The following EIF4G3 variants were observed in gnomAD, a reference collection of about 807,000 sequenced individuals.
The protein encoded by EIF4G3 is eukaryotic translation initiation factor 4 gamma 3.
EIF4G3 carries 34 observed loss-of-function variants against 186.4 expected under a neutral mutation model. That is an observed-to-expected ratio of 0.18 (90% confidence interval 0.14 to 0.24). EIF4G3 has a LOEUF of 0.24. EIF4G3 is among the 10% of genes least tolerant of loss of function. EIF4G3 has a pLI of 1.00. For synonymous variants in EIF4G3, 673 were observed against 679.5 expected, an observed-to-expected ratio of 0.99 and a Z score of 0.15; for missense variants, 1,536 against 1,948.5, an observed-to-expected ratio of 0.79 and a Z score of 3.99.
In EIF4G3 at chr1:20,982,337, A is replaced by C. The variant is rs545945107; in HGVS notation, c.198+51T>G. On this transcript the variant is annotated intron_variant, in intron 8 of 36. Transcript: ENST00000602326. ...CATTAGCAATCAATCTCAATGTAAT[A>C]ATAAGCAGACTGAGTTATAAAGAGG... 36 of 1,366,734 alleles carry C rather than the reference A, an allele frequency of 2.6e-5. No individual in the cohort carries two copies. In the East Asian group the frequency reaches 9.4e-4, roughly 36 times the overall value. The allele number at this position is 1,366,734 out of a possible 1,614,324, so 84.7% of individuals were successfully genotyped here. A position where few individuals can be genotyped will look rare whatever the true frequency, so the allele number is the denominator to read the frequency against.
rs764440819 is a variant in EIF4G3 at position 20,817,478 on chromosome 1, G to T, written c.4429C>A (p.Leu1477Met). Residue 1477 changes from leucine to methionine, a missense_variant, in exon 34 of 37, where the codon CTG becomes ATG. Leu to Met is a conservative substitution (Grantham distance 15). Transcript: ENST00000602326. ...CSSEALSKKE[L>M]SAEELYKRLE... is the part of the protein sequence containing the mutation. Reference sequence around the variant, plus strand: ...CGCTTATACAGCTCTTCGGCAGACAGTTCTTTCTTTGAAAGTGCTTCAGAG... The same window carrying T: ...CGCTTATACAGCTCTTCGGCAGACATTTCTTTCTTTGAAAGTGCTTCAGAG... 1 of 1,608,004 alleles carries T rather than the reference G, an allele frequency of 6.2e-7. No individual in the cohort carries two copies. The highest frequency in any genetic ancestry group is 2.2e-5 in the East Asian group (1 of 44,684).
At chr1:20,876,783 C>T (rs1237273304) in intron 20 of EIF4G3, among the ~76,000 whole-genome samples, 1 of 152,014 alleles carries the variant, frequency 6.6e-6, no homozygotes, top group Admixed American at 6.6e-5. Flanking sequence ...AGCACTTGAG[C>T]CTAGGAGTTT....
chr1:21,019,548 C>A (rs1440462398), intron 4 of EIF4G3, among the ~76,000 whole-genome samples: 1 of 152,138 alleles, frequency 6.6e-6, no homozygotes, highest in Admixed American at 6.6e-5. Context: ...AAATTTTTAT[C>A]TTTTATTATC....
intron 30 of EIF4G3, among the ~76,000 whole-genome samples, chr1:20,837,893 A>G (rs2067229613): frequency 6.6e-6 from 1 of 152,210 alleles, no homozygotes; most frequent in Admixed American, 6.5e-5. Context: ...TTAGAATAAA[A>G]TAGTACAACT....
At chr1:20,930,449 A>G (rs1432951787) in intron 14 of EIF4G3, among the ~76,000 whole-genome samples, 1 of 152,258 alleles carries the variant, frequency 6.6e-6, no homozygotes, top group African/African-American at 2.4e-5. Context: ...CTCAACAGGA[A>G]TAGATTCCAA....
At chr1:20,888,199 C>T (rs974057147) in intron 18 of EIF4G3, among the ~76,000 whole-genome samples, 2 of 151,982 alleles carry the variant, frequency 1.3e-5, no homozygotes, top group African/African-American at 4.8e-5. Context: ...CTTTACCTGA[C>T]CCAAGACAAA....
intron 2 of EIF4G3, among the ~76,000 whole-genome samples, chr1:21,130,574 T>C (rs902479235): frequency 6.6e-6 from 1 of 152,072 alleles, no homozygotes; most frequent in Non-Finnish European, 1.5e-5. Flanking sequence ...AGAAGTGGCG[T>C]GCCCATTTCC....
chr1:20,817,867 G>T (rs560865035), intron 33 of EIF4G3, among the ~76,000 whole-genome samples: 9 of 151,650 alleles, frequency 5.9e-5, no homozygotes, highest in Admixed American at 1.3e-4. Context: ...GTAGAGAAGG[G>T]GTCTTGCCAT....
At position 20,897,825 on chromosome 1, in the gene EIF4G3, T is replaced by C. The variant is rs373843727; in HGVS notation, c.1999+1872A>G. 3.3e-5 allele frequency among the ~76,000 whole-genome samples: 5 copies of C among 151,966 alleles called. No individual in the cohort carries two copies. In the East Asian group the frequency reaches 5.8e-4, roughly 18 times the overall value. ...TATTACAAGGGCAAAAGGTAGTTGGTCAATTATAGTCAGGGCCTATACTGT... is the reference window on the plus strand; with the variant it reads ...TATTACAAGGGCAAAAGGTAGTTGGCCAATTATAGTCAGGGCCTATACTGT... On this transcript the variant is annotated intron_variant, in intron 16 of 36. Transcript: ENST00000602326.
chr1:21,102,463 C>A (rs559740074), intron 2 of EIF4G3, among the ~76,000 whole-genome samples: 2 of 152,106 alleles, frequency 1.3e-5, no homozygotes, highest in African/African-American at 4.8e-5. Flanking sequence ...CCTTAAGTTA[C>A]CAAACATTAA....
intron 15 of EIF4G3, among the ~76,000 whole-genome samples, chr1:20,900,514 AAAAAAAAAAAAGAGAGAGAGAG>A (rs1414155005): frequency 1.6e-5 from 1 of 64,408 alleles, no homozygotes; most frequent in Non-Finnish European, 4.2e-5. Context: ...CTTGTATATA[AAAAAAAAAAAAGAGAGAGAGAG>A]AAAAAAAAAA....
chr1:20,972,885 A>G, intron 11 of EIF4G3, 117 bp downstream of exon 11: 1 of 218,182 alleles, frequency 4.6e-6, no homozygotes, highest in Non-Finnish European at 8.1e-6. Context: ...AGGGAAGAAT[A>G]AAAAAAAAAA....
At chr1:20,990,699 T>A (rs924175727) in intron 7 of EIF4G3, among the ~76,000 whole-genome samples, 2 of 152,198 alleles carry the variant, frequency 1.3e-5, no homozygotes, top group Non-Finnish European at 2.9e-5. Flanking sequence ...AATTACTATA[T>A]GTACATCATT....
intron 18 of EIF4G3, 123 bp from the exon 19 acceptor site, chr1:20,886,494 T>G: frequency 1.2e-6 from 1 of 830,062 alleles, no homozygotes; most frequent in Non-Finnish European, 1.8e-6. Flanking sequence ...TACTAGGTAC[T>G]CAAACTGGAG....
At chr1:20,918,864 C>T (rs1455489185) in intron 14 of EIF4G3, among the ~76,000 whole-genome samples, 3 of 151,882 alleles carry the variant, frequency 2.0e-5, no homozygotes, top group Non-Finnish European at 2.9e-5. Flanking sequence ...AATTTTATTT[C>T]CAAATATAGA....
intron 15 of EIF4G3, among the ~76,000 whole-genome samples, chr1:20,900,523 AAAG>A (rs1021355676): frequency 1.3e-5 from 2 of 151,690 alleles, no homozygotes; most frequent in African/African-American, 2.4e-5. Context: ...AAAAAAAAAA[AAAG>A]AGAGAGAGAG....
intron 2 of EIF4G3, among the ~76,000 whole-genome samples, chr1:21,105,621 A>C (rs1215372744): frequency 6.6e-6 from 1 of 152,232 alleles, no homozygotes; most frequent in East Asian, 1.9e-4. Flanking sequence ...GAGGAAGGTA[A>C]TAGTATTCTA....
intron 13 of EIF4G3, among the ~76,000 whole-genome samples, chr1:20,945,201 C>T (rs577187243): frequency 6.6e-6 from 1 of 151,376 alleles, no homozygotes; most frequent in African/African-American, 2.4e-5. Context: ...GTTTGGCCAT[C>T]TTTAGGAATT....
At chr1:21,163,958 G>A (rs989992743) in intron 2 of EIF4G3, among the ~76,000 whole-genome samples, 12 of 151,974 alleles carry the variant, frequency 7.9e-5, no homozygotes, top group Non-Finnish European at 1.5e-4. Flanking sequence ...TTTTTTAGTA[G>A]AGACAGGGTT....
Sources: allele counts gnomAD v4.1 joint callset (sites outside exome capture counted in the v4.1 genomes callset), GRCh38; gene constraint gnomAD v4.1.1; transcripts MANE v1.5; gene names NCBI Gene and HGNC (gene_info 2026-07-23, HGNC 2026-07-21).